The following CTNNA3 variants were observed in gnomAD, a reference collection of about 807,000 sequenced individuals.
The protein encoded by CTNNA3 is catenin alpha-3.
Under a neutral mutation model 95.7 loss-of-function variants are expected in CTNNA3, and 76 were observed. The observed-to-expected ratio is 0.79, with a 90% CI of 0.66 to 0.96. The LOEUF (loss-of-function observed/expected upper bound fraction) is 0.96, where lower values mean the gene tolerates loss of function less well. Among genes scored for constraint, CTNNA3 ranks in the 40% least tolerant of loss-of-function variants. The pLI is 0.00. For missense variants in CTNNA3, 1,191 were observed against 1,089.8 expected, an observed-to-expected ratio of 1.09 and a Z score of -1.31; for synonymous variants, 431 against 374.4, an observed-to-expected ratio of 1.15 and a Z score of -1.74.
intron 5 of CTNNA3, among the ~76,000 whole-genome samples, chr10:67,413,398 A>G (rs940729037): frequency 2.6e-5 from 4 of 152,160 alleles, no homozygotes; most frequent in African/African-American, 7.2e-5. Flanking sequence ...AGCCTTAACT[A>G]TACTAAATAT....
chr10:66,924,125 A>G (rs934995409), intron 7 of CTNNA3, among the ~76,000 whole-genome samples: 1 of 152,214 alleles, frequency 6.6e-6, no homozygotes, highest in Admixed American at 6.5e-5. Flanking sequence ...TAGAATGAGA[A>G]TCCTGGGGGA....
chr10:67,175,830 G>A (rs1862215231), intron 7 of CTNNA3, among the ~76,000 whole-genome samples: 3 of 152,120 alleles, frequency 2.0e-5, no homozygotes, highest in Admixed American at 1.3e-4. Context: ...CATGATGGCT[G>A]CCTACCTACA....
intron 7 of CTNNA3, among the ~76,000 whole-genome samples, chr10:66,967,287 GATAGAT>G (rs1038868335): frequency 5.9e-5 from 9 of 151,326 alleles, no homozygotes; most frequent in East Asian, 1.9e-4. Context: ...TCTGCTAGTG[GATAGAT>G]ATAGATATAG....
At chr10:66,197,792 T>C (rs1246821390) in intron 13 of CTNNA3, among the ~76,000 whole-genome samples, 1 of 152,144 alleles carries the variant, frequency 6.6e-6, no homozygotes, top group Non-Finnish European at 1.5e-5. Context: ...TATGGTGCGC[T>C]GTTCTTCCTA....
intron 5 of CTNNA3, among the ~76,000 whole-genome samples, chr10:67,519,961 C>CA (rs1389919344): frequency 6.6e-6 from 1 of 152,128 alleles, no homozygotes; most frequent in Non-Finnish European, 1.5e-5. Flanking sequence ...TGACCCTGCC[C>CA]ATCAAGAAGA....
At chr10:67,702,658 C>T (rs1841050758) in intron 1 of CTNNA3, among the ~76,000 whole-genome samples, 1 of 152,078 alleles carries the variant, frequency 6.6e-6, no homozygotes, top group African/African-American at 2.4e-5. Context: ...GCACTAAATG[C>T]CCACAAGAGA....
intron 14 of CTNNA3, among the ~76,000 whole-genome samples, chr10:66,101,916 A>C (rs985070949): frequency 1.3e-5 from 2 of 152,152 alleles, no homozygotes; most frequent in Non-Finnish European, 2.9e-5. Context: ...TTTCTTCTTC[A>C]AATCAGTTTC....
intron 1 of CTNNA3, among the ~76,000 whole-genome samples, chr10:67,676,964 TAGTC>T (rs1840547047): frequency 6.6e-6 from 1 of 152,140 alleles, no homozygotes; most frequent in African/African-American, 2.4e-5. Flanking sequence ...TAGCAAATTT[TAGTC>T]AGTACTAATT....
chr10:66,033,135 C>CTTTTTTTT (rs10665142), intron 15 of CTNNA3, among the ~76,000 whole-genome samples: 2 of 131,898 alleles, frequency 1.5e-5, no homozygotes, highest in Admixed American at 8.1e-5. Context: ...TTCTTTTTTT[C>CTTTTTTTT]TTTTTTTTTT....
At chr10:66,245,602 G>T (rs61868388) in intron 13 of CTNNA3, among the ~76,000 whole-genome samples, 1 of 152,064 alleles carries the variant, frequency 6.6e-6, no homozygotes, top group Non-Finnish European at 1.5e-5. Context: ...CTTTCTGCAG[G>T]CAGGGTATCC....
At chr10:66,156,292 G>T (rs935229853) in intron 13 of CTNNA3, among the ~76,000 whole-genome samples, 4 of 151,916 alleles carry the variant, frequency 2.6e-5, no homozygotes, top group Non-Finnish European at 5.9e-5. Context: ...TGTGATGATA[G>T]AAATGTTCTA....
intron 9 of CTNNA3, among the ~76,000 whole-genome samples, chr10:66,690,076 T>C (rs1379781617): frequency 6.6e-6 from 1 of 152,072 alleles, no homozygotes; most frequent in African/African-American, 2.4e-5. Context: ...AAAGGGAAAT[T>C]AGACACAGGA....
At chr10:66,112,662 T>C (rs964911683) in intron 13 of CTNNA3, among the ~76,000 whole-genome samples, 4 of 152,118 alleles carry the variant, frequency 2.6e-5, no homozygotes, top group African/African-American at 9.7e-5. Context: ...ACTACCATTC[T>C]GCTCATGGTT....
rs1029865933 is a variant in CTNNA3 at position 67,606,891 on chromosome 10, C to T, written c.258G>A (p.Glu86=). The part of the protein sequence containing the change: ...IAQEATVLKD[E]LTASLEEVRK... ...GAACTTCCTCAAGTGAAGCCGTAAG[C>T]TCATCCTTTAAAACTGTAGCTTCCT... The change falls in exon 3 of 18, where the codon GAG becomes GAA. Residue 86 remains glutamate, a synonymous_variant. Transcript: ENST00000433211. The T allele has an allele frequency of 6.2e-7, 1 of 1,613,890 alleles. No individual in the cohort carries two copies. Among genetic ancestry groups the T allele is most frequent in the African/African-American group, 1.3e-5 (1 of 74,926 alleles).
intron 5 of CTNNA3, among the ~76,000 whole-genome samples, chr10:67,317,065 C>A (rs1841084808): frequency 6.6e-6 from 1 of 152,062 alleles, no homozygotes; most frequent in South Asian, 2.1e-4. Context: ...GTTTCAAAAA[C>A]TGTAGATCTT....
chr10:66,429,194 A>G (rs1318067236), intron 11 of CTNNA3, among the ~76,000 whole-genome samples: 4 of 152,220 alleles, frequency 2.6e-5, no homozygotes, highest in African/African-American at 9.6e-5. Context: ...CCCTCCCAAG[A>G]CTAAACCAGG....
At chr10:66,589,005 G>A (rs1359492825) in intron 10 of CTNNA3, among the ~76,000 whole-genome samples, 1 of 152,060 alleles carries the variant, frequency 6.6e-6, no homozygotes, top group Non-Finnish European at 1.5e-5. Context: ...AAATACATTT[G>A]TTAACTCAGG....
intron 5 of CTNNA3, among the ~76,000 whole-genome samples, chr10:67,291,537 G>A (rs912479406): frequency 6.6e-6 from 1 of 152,058 alleles, no homozygotes; most frequent in African/African-American, 2.4e-5. Flanking sequence ...CTCATTTCCT[G>A]TGACCTGTTC....
intron 1 of CTNNA3, chr10:67,751,108 C>G: frequency 1.4e-6 from 2 of 1,394,796 alleles, no homozygotes; most frequent in South Asian, 2.3e-5. Context: ...AACATTCAGG[C>G]CTTTGACTTT....
Sources: gnomAD v4.1 joint callset for allele counts (sites outside exome capture counted in the v4.1 genomes callset) on GRCh38, gnomAD v4.1.1 for gene constraint, MANE v1.5 for transcripts, NCBI Gene and HGNC (gene_info 2026-07-23, HGNC 2026-07-21) for gene names.